PPARGC1A: variants seen among roughly 807,000 people sequenced by gnomAD.
PPARGC1A encodes the protein PPARG coactivator 1 alpha.
A neutral mutation model predicts 88.7 loss-of-function variants in PPARGC1A; 25 were observed. That is an observed-to-expected ratio of 0.28 (90% CI 0.21 to 0.39). PPARGC1A has a LOEUF of 0.39. Among genes scored for constraint, PPARGC1A ranks in the 10% least tolerant of loss-of-function variants. PPARGC1A has a pLI of 1.00. For synonymous variants in PPARGC1A, 363 were observed against 355.6 expected, an observed-to-expected ratio of 1.02 and a Z score of -0.24; for missense variants, 880 against 968.7, an observed-to-expected ratio of 0.91 and a Z score of 1.22.
intron 10 of PPARGC1A, among the ~76,000 whole-genome samples, chr4:23,811,889 C>CTTTTTTT (rs71196134): frequency 1.7e-5 from 1 of 59,040 alleles, no homozygotes. Context: ...GAAGAAATGA[C>CTTTTTTT]TTTTTTTTTT....
the PPARGC1A span, among the ~76,000 whole-genome samples, chr4:24,003,421 C>G: frequency 2.0e-5 from 3 of 151,908 alleles, no homozygotes; most frequent in Non-Finnish European, 4.4e-5. Context: ...AGAATTAGGA[C>G]GAAAAAAATG....
chr4:23,813,606 A>G, intron 8 of PPARGC1A, 84 bp downstream of exon 8: 27 of 1,301,134 alleles, frequency 2.1e-5, no homozygotes, highest in Non-Finnish European at 2.8e-5. Flanking sequence ...ATGGCTGCAG[A>G]TTTCAAATTT....
At chr4:24,238,745 A>ATGTGTG in the PPARGC1A span, among the ~76,000 whole-genome samples, 2,914 of 121,722 alleles carry the variant, frequency 0.024, 81 homozygotes, top group African/African-American at 0.061. Flanking sequence ...AAGGTTGTAT[A>ATGTGTG]TGTGTGTGTG....
chr4:24,193,170 T>G, the PPARGC1A span, among the ~76,000 whole-genome samples: 1 of 152,374 alleles, frequency 6.6e-6, no homozygotes, highest in Non-Finnish European at 1.5e-5. Context: ...TCTGATTTTC[T>G]TTGTTTAACA....
Position 23,814,076 on chromosome 4 carries a change from G to C in PPARGC1A, c.1407C>G (p.Pro469=). The change falls in exon 8 of 13, where the codon CCC becomes CCG. Residue 469 remains proline, a synonymous_variant. Coordinates refer to ENST00000264867, the MANE Select transcript of PPARGC1A (RefSeq NM_013261.5). ...RAELNKHFGH[P]SQAVFDDEAD... is the part of the protein sequence containing the mutation. ...CTTCGTCGTCAAAAACAGCTTGACTGGGATGACCGAAGTGCTTGTTCAGCT... is the reference window on the plus strand; with the variant it reads ...CTTCGTCGTCAAAAACAGCTTGACTCGGATGACCGAAGTGCTTGTTCAGCT... 1 of 1,614,030 alleles carries C rather than the reference G, an allele frequency of 6.2e-7. No homozygotes were observed. The highest frequency in any genetic ancestry group is 8.5e-7 in the Non-Finnish European group (1 of 1,179,964).
At chr4:24,167,247 T>G in the PPARGC1A span, among the ~76,000 whole-genome samples, 4 of 152,124 alleles carry the variant, frequency 2.6e-5, no homozygotes, top group Admixed American at 6.6e-5. Flanking sequence ...GAAACTAGAT[T>G]TGGAAGTGGA....
the PPARGC1A span, among the ~76,000 whole-genome samples, chr4:24,341,917 C>T: frequency 6.6e-6 from 1 of 152,146 alleles, no homozygotes; most frequent in Non-Finnish European, 1.5e-5. Context: ...GTTCAGTGAA[C>T]AAGCAGGGGA....
At chr4:24,062,309 T>C in the PPARGC1A span, among the ~76,000 whole-genome samples, 1 of 152,204 alleles carries the variant, frequency 6.6e-6, no homozygotes, top group African/African-American at 2.4e-5. Context: ...TCATAGGATA[T>C]GACTGTGTTC....
At chr4:23,881,718 G>C (rs1410752685) in intron 2 of PPARGC1A, 1 of 152,168 alleles carries the variant, frequency 6.6e-6, no homozygotes, top group Non-Finnish European at 1.5e-5. Flanking sequence ...GGAATCCAAA[G>C]TAGATAATGC....
chr4:23,860,143 G>A (rs746013288), intron 2 of PPARGC1A, among the ~76,000 whole-genome samples: 6 of 152,016 alleles, frequency 3.9e-5, no homozygotes, highest in East Asian at 1.9e-4. Context: ...GTGGTGGCAC[G>A]CACCTGTAGT....
chr4:24,332,740 C>A, the PPARGC1A span, among the ~76,000 whole-genome samples: 1 of 152,140 alleles, frequency 6.6e-6, no homozygotes, highest in Non-Finnish European at 1.5e-5. Context: ...GTAGAGAAAT[C>A]TAGAAAGGAA....
At chr4:24,048,096 C>G in the PPARGC1A span, among the ~76,000 whole-genome samples, 3 of 152,164 alleles carry the variant, frequency 2.0e-5, no homozygotes, top group Admixed American at 2.0e-4. Context: ...TAGCAATTTC[C>G]CTTTTCCTTT....
chr4:23,985,631 G>A, the PPARGC1A span, among the ~76,000 whole-genome samples: 11 of 151,910 alleles, frequency 7.2e-5, 1 homozygote, highest in South Asian at 2.1e-3. Flanking sequence ...TAAACGGGAG[G>A]GAGCTGTTTT....
At chr4:24,294,786 T>C in the PPARGC1A span, among the ~76,000 whole-genome samples, 1 of 152,218 alleles carries the variant, frequency 6.6e-6, no homozygotes, top group Non-Finnish European at 1.5e-5. Context: ...ATCCCAAAGA[T>C]GCAATGACAA....
chr4:24,217,587 G>T, the PPARGC1A span, among the ~76,000 whole-genome samples: 2 of 152,280 alleles, frequency 1.3e-5, no homozygotes, highest in East Asian at 1.9e-4. Context: ...CAGATCACCT[G>T]AGGTCAGGAG....
the PPARGC1A span, among the ~76,000 whole-genome samples, chr4:24,359,799 A>G: frequency 5.3e-5 from 8 of 152,202 alleles, no homozygotes; most frequent in African/African-American, 1.9e-4. Context: ...AAGAGCAAAA[A>G]TGAATTCTTC....
chr4:24,373,589 A>G, the PPARGC1A span, among the ~76,000 whole-genome samples: 1 of 152,236 alleles, frequency 6.6e-6, no homozygotes, highest in East Asian at 1.9e-4. Context: ...CAGAAAACAA[A>G]TTGAAAGGAA....
the PPARGC1A span, among the ~76,000 whole-genome samples, chr4:24,419,527 C>T: frequency 6.6e-6 from 1 of 150,376 alleles, no homozygotes; most frequent in Non-Finnish European, 1.5e-5. Context: ...AAAGGCTGCC[C>T]TCTCCCAATT....
At chr4:24,449,870 C>G in the PPARGC1A span, among the ~76,000 whole-genome samples, 5 of 152,128 alleles carry the variant, frequency 3.3e-5, no homozygotes, top group African/African-American at 1.2e-4. Context: ...TCATGTTATT[C>G]TGGAGTTTTA....
Sources: allele counts gnomAD v4.1 joint callset (sites outside exome capture counted in the v4.1 genomes callset), GRCh38; gene constraint gnomAD v4.1.1; transcripts MANE v1.5; gene names NCBI Gene and HGNC (gene_info 2026-07-23, HGNC 2026-07-21).